The following VPS13B variants were observed in gnomAD, a reference collection of about 807,000 sequenced individuals.
The protein encoded by VPS13B is intermembrane lipid transfer protein VPS13B.
Under a neutral mutation model 426.4 loss-of-function variants are expected in VPS13B, and 285 were observed. The ratio of observed to expected loss-of-function variants is 0.67; its 90% confidence interval spans 0.61 to 0.74. The LOEUF (loss-of-function observed/expected upper bound fraction) is 0.74, where lower values mean the gene tolerates loss of function less well. Among genes scored for constraint, VPS13B ranks in the 30% least tolerant of loss-of-function variants. The pLI, the probability that VPS13B is intolerant of heterozygous loss-of-function variation, is 0.00. For missense variants in VPS13B, 4,537 were observed against 4,782.6 expected, an observed-to-expected ratio of 0.95 and a Z score of 1.51; for synonymous variants, 1,676 against 1,676.4, an observed-to-expected ratio of 1.00 and a Z score of 0.01.
intron 29 of VPS13B, among the ~76,000 whole-genome samples, chr8:99,515,824 T>C (rs759540750): frequency 6.6e-6 from 1 of 152,146 alleles, no homozygotes; most frequent in African/African-American, 2.4e-5. Context: ...CTAACAGAAG[T>C]TTATTTTTAG....
intron 19 of VPS13B, among the ~76,000 whole-genome samples, chr8:99,289,520 G>T (rs1298895855): frequency 6.6e-6 from 1 of 152,084 alleles, no homozygotes; most frequent in African/African-American, 2.4e-5. Flanking sequence ...ACATTTCCTT[G>T]AGATAGCTGG....
chr8:99,332,039 G>T (rs1030752039), intron 19 of VPS13B, among the ~76,000 whole-genome samples: 1 of 151,542 alleles, frequency 6.6e-6, no homozygotes, highest in Non-Finnish European at 1.5e-5. Flanking sequence ...CAACAGTTTG[G>T]CTGCTCCAGA....
intron 30 of VPS13B, among the ~76,000 whole-genome samples, chr8:99,541,538 C>A (rs1823620934): frequency 6.6e-6 from 1 of 152,168 alleles, no homozygotes. Flanking sequence ...GTGATGTTCC[C>A]CTCCCTGTGT....
chr8:99,307,453 C>T (rs1045731724), intron 19 of VPS13B, among the ~76,000 whole-genome samples: 4 of 152,032 alleles, frequency 2.6e-5, no homozygotes, highest in Non-Finnish European at 4.4e-5. Flanking sequence ...AAGAAAGATG[C>T]TTCCAGTTTA....
intron 17 of VPS13B, among the ~76,000 whole-genome samples, chr8:99,205,731 T>C (rs1328564602): frequency 2.0e-5 from 3 of 152,156 alleles, no homozygotes; most frequent in Non-Finnish European, 4.4e-5. Context: ...TATCCTTTTT[T>C]ACAGATGGGA....
chr8:99,371,400 G>A (rs1813172370), intron 19 of VPS13B, among the ~76,000 whole-genome samples: 2 of 152,184 alleles, frequency 1.3e-5, no homozygotes, highest in Non-Finnish European at 2.9e-5. Flanking sequence ...GGTTGTACAT[G>A]TGTGGTGCTA....
intron 33 of VPS13B, among the ~76,000 whole-genome samples, chr8:99,588,199 C>G (rs1563811629): frequency 6.6e-6 from 1 of 151,642 alleles, no homozygotes; most frequent in Non-Finnish European, 1.5e-5. Flanking sequence ...GTACCAGTAC[C>G]ATGCTGTTTT....
intron 35 of VPS13B, chr8:99,696,564 A>G (rs1832013190): frequency 1.9e-6 from 1 of 521,900 alleles, no homozygotes; most frequent in South Asian, 1.9e-5. Flanking sequence ...CTTCCCCAGC[A>G]TGCCAGCATC....
intron 34 of VPS13B, among the ~76,000 whole-genome samples, chr8:99,660,479 G>C (rs367923604): frequency 1.6e-4 from 25 of 152,164 alleles, no homozygotes; most frequent in African/African-American, 5.8e-4. Context: ...CTGACATTCA[G>C]AGGCCATTAA....
intron 36 of VPS13B, among the ~76,000 whole-genome samples, chr8:99,707,103 A>C (rs1435705974): frequency 6.6e-6 from 1 of 152,160 alleles, no homozygotes; most frequent in Non-Finnish European, 1.5e-5. Context: ...GAGGACAGGA[A>C]AAAGCATGTA....
intron 43 of VPS13B, among the ~76,000 whole-genome samples, chr8:99,802,908 A>G (rs999359410): frequency 1.3e-5 from 2 of 152,116 alleles, no homozygotes; most frequent in Admixed American, 6.5e-5. Flanking sequence ...GTGTACCTCC[A>G]TTTGTTTTTT....
In VPS13B at chr8:99,349,332, CA is replaced by C. The variant is rs35441676; in HGVS notation, c.2825-34853del. On this transcript the variant is annotated intron_variant, in intron 19 of 61. Transcript: ENST00000357162. ...TGGGCGACAGAGCGAGACTCCGTCT[CA>C]AAAAAAAAAAAAAAAAAAAAAAGAA... is the stretch of plus-strand genomic sequence containing the variant. Among the ~76,000 whole-genome samples the C allele has an allele frequency of 6.9e-4, 33 of 47,742 alleles. No homozygotes were observed. In the East Asian group the frequency reaches 0.012, roughly 18 times the overall value. The allele number at this position is 47,742 out of a possible 152,430, so 31.3% of individuals were successfully genotyped here.
At chr8:99,219,803 T>C (rs1588149863) in intron 17 of VPS13B, among the ~76,000 whole-genome samples, 3 of 152,182 alleles carry the variant, frequency 2.0e-5, no homozygotes, top group South Asian at 4.1e-4. Flanking sequence ...AATTTCAATA[T>C]GAGTTTTGGA....
chr8:99,289,062 T>TGAATGAATCAATGAAA (rs1384234294), intron 19 of VPS13B, among the ~76,000 whole-genome samples: 2 of 148,822 alleles, frequency 1.3e-5, no homozygotes, highest in Admixed American at 6.7e-5. Context: ...AATGAATGAA[T>TGAATGAATCAATGAAA]GAAAGAAGGA....
At chr8:99,470,598 G>C (rs2133521445) in intron 24 of VPS13B, among the ~76,000 whole-genome samples, 1 of 151,786 alleles carries the variant, frequency 6.6e-6, no homozygotes, top group East Asian at 1.9e-4. Flanking sequence ...TACTGAATTT[G>C]AAAAAGAAAG....
intron 4 of VPS13B, among the ~76,000 whole-genome samples, chr8:99,097,810 T>C (rs1846509477): frequency 6.6e-6 from 1 of 152,170 alleles, no homozygotes; most frequent in Admixed American, 6.5e-5. Flanking sequence ...ACATTGACTT[T>C]GTATGGACCT....
rs542688568 is a variant in VPS13B, at chr8:99,848,395, C to T, written c.9943-381C>T. Among the ~76,000 whole-genome samples the T allele has an allele frequency of 2.0e-5, 3 of 152,252 alleles. No individual in the cohort carries two copies. The South Asian group carries it at 6.2e-4, about 32-fold the overall frequency. ...CCCAAGAGCCTGAAAGTTGTTTGCA[C>T]ATTGCACTTCAAGTCCCAAGTTTTA... On this transcript the variant is annotated intron_variant, in intron 54 of 61. Coordinates refer to ENST00000357162, the MANE Select transcript of VPS13B (RefSeq NM_152564.5).
At chr8:99,723,846 G>A (rs558105521) in intron 39 of VPS13B, among the ~76,000 whole-genome samples, 1 of 152,318 alleles carries the variant, frequency 6.6e-6, no homozygotes, top group African/African-American at 2.4e-5. Context: ...GAGCAAGACA[G>A]GGTTGTAACT....
At chr8:99,151,859 C>G (rs1158142728) in intron 14 of VPS13B, among the ~76,000 whole-genome samples, 3 of 152,058 alleles carry the variant, frequency 2.0e-5, no homozygotes, top group Admixed American at 2.0e-4. Flanking sequence ...TAAAAATTAT[C>G]ATTTTAGTGT....
Sources: gnomAD v4.1 joint callset for allele counts (sites outside exome capture counted in the v4.1 genomes callset) on GRCh38, gnomAD v4.1.1 for gene constraint, MANE v1.5 for transcripts, NCBI Gene and HGNC (gene_info 2026-07-23, HGNC 2026-07-21) for gene names.